The following PKD1 variants were observed in gnomAD, a reference collection of about 807,000 sequenced individuals.
PKD1 encodes polycystin 1, transient receptor potential channel interacting, also known as polycystin-1.
Under a neutral mutation model 361.7 loss-of-function variants are expected in PKD1, and 81 were observed. The ratio of observed to expected loss-of-function variants is 0.22; its 90% CI spans 0.19 to 0.27. The LOEUF is 0.27. Among genes scored for constraint, PKD1 ranks in the 10% least tolerant of loss-of-function variants. The pLI, the probability that PKD1 is intolerant of heterozygous loss-of-function variation, is 1.00. For synonymous variants in PKD1, 3,615 were observed against 2,818.3 expected (o/e 1.28, Z -8.95); for missense variants, 6,399 against 6,118.3 (o/e 1.05, Z -1.53).
At chr16:2,117,157 G>A in intron 6 of PKD1, 104 bp from the exon 7 acceptor site, 2 of 686,010 alleles carry the variant, frequency 2.9e-6, no homozygotes, top group East Asian at 2.7e-5. Flanking sequence ...TTTCCAGATG[G>A]GGAAACTGAG....
chr16:2,093,091 G>T lies in PKD1; in HGVS notation c.11019C>A (p.Ser3673Arg), dbSNP rs765916759. The change falls in exon 38 of 46, where the codon AGC (serine) becomes AGA (arginine). Residue 3673 changes from serine to arginine, a missense_variant and splice_region_variant. Physicochemically the swap from Ser to Arg is moderately radical, Grantham distance 110. Transcript: ENST00000262304. ...GCAGAAAAAGCATGTACACCAGGAG[G>T]CTCTGGTGGACGGGGGGGCCCTGTG... Reference protein sequence around the residue: ...KVKRLHGMLRSLLVYMLFLLV... With the variant: ...KVKRLHGMLRRLLVYMLFLLV... 1 of 1,612,524 alleles carries T rather than the reference G, an allele frequency of 6.2e-7. No individual in the cohort carries two copies. The highest frequency in any genetic ancestry group is 8.5e-7 in the Non-Finnish European group (1 of 1,179,942).
intron 38 of PKD1, 83 bp downstream of exon 38, chr16:2,092,871 T>G: frequency 1.3e-6 from 2 of 1,512,996 alleles, no homozygotes; most frequent in Non-Finnish European, 1.8e-6. Flanking sequence ...TATCTACACA[T>G]GTCCACATGT....
At chr16:2,112,271 T>A in intron 14 of PKD1, 69 bp downstream of exon 14, 2 of 1,380,002 alleles carry the variant, frequency 1.4e-6, no homozygotes, top group Non-Finnish European at 2.0e-6. Flanking sequence ...GCAGCTTGAC[T>A]GGGGAGCTGG....
intron 1 of PKD1, among the ~76,000 whole-genome samples, chr16:2,132,587 A>G (rs1489979981): frequency 2.1e-5 from 3 of 145,108 alleles, no homozygotes; most frequent in East Asian, 1.9e-4. Flanking sequence ...AAAAAAAAAA[A>G]AAAAGAAAAA....
intron 9 of PKD1, 105 bp downstream of exon 9, chr16:2,115,885 CTG>C (rs1266485541): frequency 1.5e-6 from 2 of 1,305,274 alleles, no homozygotes; most frequent in African/African-American, 2.9e-5. Context: ...CCACCTAAGA[CTG>C]GGAACCACTC....
Position 2,108,617 on chromosome 16 carries a change from C to G in PKD1, c.6550G>C (p.Glu2184Gln). Residue 2184 changes from glutamate (E) to glutamine (Q), a missense_variant, in exon 15 of 46, where the codon GAG becomes CAG. Transcript: ENST00000262304. ...DLRDCVTYQT[E>Q]YRWEVYRTAS... is the part of the protein sequence containing the mutation. ...GTGCGATACACCTCCCAGCGGTACT[C>G]AGTCTGGTAGGTGACGCAGTCGCGC... The G allele has an allele frequency of 1.3e-6, 2 of 1,559,584 alleles. No homozygotes were observed. The highest frequency in any genetic ancestry group is 2.4e-5 in the East Asian group (1 of 42,048).
chr16:2,104,295 G>C (rs1261181246), intron 22 of PKD1, among the ~76,000 whole-genome samples: 2 of 71,576 alleles, frequency 2.8e-5, no homozygotes, highest in African/African-American at 1.3e-4. Flanking sequence ...AAAGGGGAGA[G>C]AGATGGAGAA....
In PKD1 at chr16:2,119,289, C is replaced by G. The variant is rs1004360952; in HGVS notation, c.287+18G>C. 5 of 1,093,304 alleles carry G rather than the reference C, an allele frequency of 4.6e-6. No homozygotes were observed. The Admixed American group carries it at 9.9e-5, about 22-fold the overall frequency. The allele number at this position is 1,093,304 out of a possible 1,614,324, so 67.7% of individuals were successfully genotyped here. ...CCGGAGTGAGCCCCGCATGCTGGCA[C>G]GACTGGGGGACACTCACAGCTCTGC... On this transcript the variant is annotated intron_variant, in intron 2 of 45. Coordinates refer to ENST00000262304, the MANE Select transcript of PKD1 (RefSeq NM_001009944.3).
At position 2,089,312 on chromosome 16, in the gene PKD1, G is replaced by A; in HGVS notation, c.*415C>T. On this transcript the variant is annotated 3_prime_UTR_variant, in exon 46 of 46. Coordinates refer to ENST00000262304, the MANE Select transcript of PKD1 (RefSeq NM_001009944.3). ...CGAGACACACAGTGAGACGGTGCAG[G>A]GAGTACGGTAGGAACTGGAGAGGTA... is the stretch of plus-strand genomic sequence containing the variant. The A allele has an allele frequency of 3.7e-6, 1 of 267,046 alleles. No individual in the cohort carries two copies. Among genetic ancestry groups the A allele is most frequent in the South Asian group, 6.7e-5 (1 of 15,030 alleles). 16.5% of individuals were successfully genotyped at this position (267,046 alleles called of 1,614,324 possible). A position where few individuals can be genotyped will look rare whatever the true frequency, so the allele number is the denominator to read the frequency against.
Position 2,088,725 on chromosome 16 carries a change from TTTTATTGAC to T in PKD1, c.*993_*1001del. 1.4e-6 allele frequency: 2 copies of T among 1,382,298 alleles called. No homozygotes were observed. The highest frequency in any genetic ancestry group is 2.0e-6 in the Non-Finnish European group (2 of 1,020,820). 85.6% of individuals were successfully genotyped at this position (1,382,298 alleles called of 1,614,324 possible). A position where few individuals can be genotyped will look rare whatever the true frequency, so the allele number is the denominator to read the frequency against. ...GGCACAGATTGCAGTCAGACAGCTC[TTTTATTGAC>T]TTTGTCTGCTTGGTGCGGGGGTTGG... On this transcript the variant is annotated 3_prime_UTR_variant, in exon 46 of 46. Coordinates refer to ENST00000262304, the MANE Select transcript of PKD1 (RefSeq NM_001009944.3).
chr16:2,111,067 C>A lies in PKD1; in HGVS notation c.4100G>T (p.Arg1367Met). 6.2e-7 allele frequency: 1 copy of A among 1,610,672 alleles called. No homozygotes were observed. Among genetic ancestry groups the A allele is most frequent in the South Asian group, 1.1e-5 (1 of 90,988 alleles). Residue 1367 changes from arginine to methionine, a missense_variant, in exon 15 of 46, where the codon AGG becomes ATG. Physicochemically the swap from Arg to Met is moderately conservative, Grantham distance 91. Coordinates refer to ENST00000262304, the MANE Select transcript of PKD1 (RefSeq NM_001009944.3). ...GCAGATGCTGGTGAAGTAATGCGCC[C>A]TGTTCACGCGGCTGGACAGCACCAG... ...LALVLSSRVN[R>M]AHYFTSICVE...
Position 2,090,322 on chromosome 16 carries a change from C to A in PKD1, c.12407G>T (p.Arg4136Met), listed in dbSNP as rs768391524. ...DYEMVELFLR[R>M]LRLWMGLSKV... ...GCTGAGGCCCATCCAGAGGCGCAGC[C>A]TGCGCAGGAACAACTCCACCATCTC... is the stretch of plus-strand genomic sequence containing the variant. The change falls in exon 45 of 46, where the codon AGG (arginine) becomes ATG (methionine). Residue 4136 changes from arginine (R) to methionine (M), a missense_variant. Transcript: ENST00000262304. 6.2e-7 allele frequency: 1 copy of A among 1,611,904 alleles called. No individual in the cohort carries two copies. The highest frequency in any genetic ancestry group is 1.7e-5 in the Admixed American group (1 of 59,976).
chr16:2,105,214 C>CA (rs950501572), intron 21 of PKD1, 108 bp downstream of exon 21: 3 of 1,069,016 alleles, frequency 2.8e-6, no homozygotes, highest in Non-Finnish European at 4.1e-6. Flanking sequence ...GGAAGGAGCC[C>CA]AGGCTGGAGG....
Position 2,091,093 on chromosome 16 carries a change from G to A in PKD1, c.11794C>T (p.Arg3932Trp), listed in dbSNP as rs888691622. Residue 3932 changes from arginine to tryptophan, a missense_variant, in exon 43 of 46, where the codon CGG becomes TGG. Arg to Trp is a moderately radical substitution (Grantham distance 101, BLOSUM62 -3). Transcript: ENST00000262304. Reference protein sequence around the residue: ...WHREGRWRVLRLGAWARWLLV... With the variant: ...WHREGRWRVLWLGAWARWLLV... ...AGCCACCGCGCCCAGGCTCCGAGCC[G>A]CAGCACGCGCCAGCGCCCTTCCCTG... The A allele has an allele frequency of 1.3e-6, 2 of 1,502,394 alleles. No homozygotes were observed. The highest frequency in any genetic ancestry group is 1.2e-5 in the South Asian group (1 of 82,022). The allele number at this position is 1,502,394 out of a possible 1,614,324, so 93.1% of individuals were successfully genotyped here.
At chr16:2,092,368 G>C (rs2091634355) in intron 39 of PKD1, 112 bp downstream of exon 39, 2 of 962,938 alleles carry the variant, frequency 2.1e-6, no homozygotes, top group Admixed American at 2.1e-5. Context: ...GCGGTGTTAA[G>C]AGGGCAAAGG....
At chr16:2,096,119 G>C (rs904041478) in intron 34 of PKD1, among the ~76,000 whole-genome samples, 1 of 152,208 alleles carries the variant, frequency 6.6e-6, no homozygotes, top group Non-Finnish European at 1.5e-5. Flanking sequence ...CAGCAGTCAC[G>C]CACCACTTAG....
At chr16:2,094,416 G>A (rs921565393) in intron 34 of PKD1, among the ~76,000 whole-genome samples, 2 of 152,198 alleles carry the variant, frequency 1.3e-5, no homozygotes, top group African/African-American at 2.4e-5. Flanking sequence ...CCGAAGTCAG[G>A]CGTCCGCCTG....
At chr16:2,105,621 T>G in intron 20 of PKD1, 147 bp from the exon 21 acceptor site, 1 of 1,561,482 alleles carries the variant, frequency 6.4e-7, no homozygotes, top group Non-Finnish European at 8.6e-7. Context: ...TGTTTCTTCA[T>G]GGGCAAAACA....
intron 1 of PKD1, among the ~76,000 whole-genome samples, chr16:2,121,041 G>GA (rs1322953918): frequency 6.6e-6 from 1 of 151,704 alleles, no homozygotes; most frequent in Non-Finnish European, 1.5e-5. Context: ...GAAAAGAAAA[G>GA]AAAGAAAGGG....
Sources: gnomAD v4.1 joint callset for allele counts (sites outside exome capture counted in the v4.1 genomes callset) on GRCh38, gnomAD v4.1.1 for gene constraint, MANE v1.5 for transcripts, NCBI Gene and HGNC (gene_info 2026-07-23, HGNC 2026-07-21) for gene names.